The following MRE11 variants were observed in gnomAD, a reference collection of about 807,000 sequenced individuals.
MRE11 encodes the protein double-strand break repair protein MRE11.
A neutral mutation model predicts 91.7 loss-of-function variants in MRE11; 62 were observed. The ratio of observed to expected loss-of-function variants is 0.68; its 90% confidence interval spans 0.55 to 0.84. The LOEUF is 0.84. MRE11 is among the 40% of genes least tolerant of loss of function. The probability of loss-of-function intolerance (pLI) is 0.00; values close to 1 mark genes in which losing one functional copy is unlikely to be tolerated. For missense variants in MRE11, 796 were observed against 852.9 expected, an observed-to-expected ratio of 0.93 and a Z score of 0.83; for synonymous variants, 273 against 271.4, an observed-to-expected ratio of 1.01 and a Z score of -0.06.
At chr11:94,451,531 G>C (rs1946106489) in intron 14 of MRE11, among the ~76,000 whole-genome samples, 1 of 152,006 alleles carries the variant, frequency 6.6e-6, no homozygotes, top group Admixed American at 6.6e-5. Context: ...TGCACAAAAA[G>C]AAAATTACAG....
chr11:94,479,027 A>T (rs1355132003), intron 5 of MRE11, 151 bp from the exon 6 acceptor site: 1 of 843,156 alleles, frequency 1.2e-6, no homozygotes, highest in African/African-American at 1.7e-5. Context: ...TACAATAGTA[A>T]AAGTATTTGC....
chr11:94,476,355 A>C lies in MRE11; in HGVS notation c.593T>G (p.Val198Gly). The change falls in exon 7 of 20, where the codon GTA becomes GGA. Residue 198 changes from valine (V) to glycine (G), a missense_variant. Val to Gly is a moderately radical substitution (Grantham distance 109). Coordinates refer to ENST00000323929, the MANE Select transcript of MRE11 (RefSeq NM_005591.4). The part of the protein sequence containing the change: ...RLYRMFVNKK[V>G]TMLRPKEDEN... ...ATCTTCCTTTGGTCTCAACATTGTTACTTTTTTATTGACAAACATTCGATA... is the reference window on the plus strand; with the variant it reads ...ATCTTCCTTTGGTCTCAACATTGTTCCTTTTTTATTGACAAACATTCGATA... 1 of 1,613,368 alleles carries C rather than the reference A, an allele frequency of 6.2e-7. No homozygotes were observed.
Position 94,420,022 on chromosome 11 carries a change from T to C in MRE11, c.*103A>G. 1.1e-6 allele frequency: 1 copy of C among 926,556 alleles called. No homozygotes were observed. The allele number at this position is 926,556 out of a possible 1,614,324, so 57.4% of individuals were successfully genotyped here. On this transcript the variant is annotated 3_prime_UTR_variant, in exon 20 of 20. Coordinates refer to ENST00000323929, the MANE Select transcript of MRE11 (RefSeq NM_005591.4). ...ACTAGAAATTTCTTACTTATGGAGTTATGCTCAGGAAACAATACTTAAAAT... is the reference window on the plus strand; with the variant it reads ...ACTAGAAATTTCTTACTTATGGAGTCATGCTCAGGAAACAATACTTAAAAT...
upstream of MRE11, chr11:94,497,007 G>T (rs1409970479): frequency 4.4e-6 from 7 of 1,604,954 alleles, 1 homozygote; most frequent in Middle Eastern, 9.9e-4. Flanking sequence ...CTGGGTTCAA[G>T]CCAGAAGACC....
chr11:94,497,046 A>G (rs746395323), upstream of MRE11: 2 of 1,520,606 alleles, frequency 1.3e-6, no homozygotes, highest in South Asian at 2.3e-5. Context: ...CATCATACCT[A>G]TCTCTTGATT....
intron 16 of MRE11, among the ~76,000 whole-genome samples, chr11:94,438,653 G>A (rs141972652): frequency 3.2e-3 from 482 of 152,296 alleles, no homozygotes; most frequent in Middle Eastern, 6.8e-3. Context: ...GAGTGATGTT[G>A]TGAAATAATT....
At position 94,420,152 on chromosome 11, in the gene MRE11, A is replaced by C; in HGVS notation, c.2100T>G (p.Thr700=). 1 of 1,580,994 alleles carries C rather than the reference A, an allele frequency of 6.3e-7. No individual in the cohort carries two copies. The highest frequency in any genetic ancestry group is 8.7e-7 in the Non-Finnish European group (1 of 1,155,618). ...ATCTTCTATTTCTTCTTAAAGAACT[A>C]GTGTTCATAAAAGGATCATCATCAT... ...EDDDDDPFMN[T]SSLRRNRR is the part of the protein sequence containing the mutation. Residue 700 remains threonine (T), a synonymous_variant, in exon 20 of 20, where the codon ACT becomes ACG. Coordinates refer to ENST00000323929, the MANE Select transcript of MRE11 (RefSeq NM_005591.4).
intron 19 of MRE11, among the ~76,000 whole-genome samples, chr11:94,423,574 C>T (rs939370183): frequency 1.6e-4 from 25 of 152,230 alleles, no homozygotes; most frequent in African/African-American, 5.8e-4. Context: ...GACAGAGGAA[C>T]ATCTGTTCTG....
At position 94,492,821 on chromosome 11, in the gene MRE11, C is replaced by T. The variant is rs2135149567; in HGVS notation, c.-20G>A. The T allele has an allele frequency of 6.2e-7, 1 of 1,612,746 alleles. No homozygotes were observed. The highest frequency in any genetic ancestry group is 8.5e-7 in the Non-Finnish European group (1 of 1,179,400). On this transcript the variant is annotated 5_prime_UTR_variant, in exon 2 of 20. Transcript: ENST00000323929. ...ACTCATTTTTATGGTCAGTCAAGCT[C>T]CTCTGGGACCAGGTTCTTCTCCAAG...
chr11:94,477,437 G>C (rs1424897232), intron 6 of MRE11, among the ~76,000 whole-genome samples: 2 of 152,232 alleles, frequency 1.3e-5, no homozygotes, highest in East Asian at 3.9e-4. Context: ...AGGAGAAAAA[G>C]CCAGGATGCT....
chr11:94,443,996 C>A (rs1428811941), intron 16 of MRE11, among the ~76,000 whole-genome samples: 1 of 150,308 alleles, frequency 6.7e-6, no homozygotes, highest in Non-Finnish European at 1.5e-5. Context: ...CAACCTCCAC[C>A]TTCTCGGTTC....
At chr11:94,489,432 G>T (rs887663526) in intron 3 of MRE11, among the ~76,000 whole-genome samples, 1 of 152,126 alleles carries the variant, frequency 6.6e-6, no homozygotes, top group African/African-American at 2.4e-5. Flanking sequence ...TCAATGGAAG[G>T]ACACTTGGAA....
At chr11:94,489,477 T>C (rs753385728) in intron 3 of MRE11, among the ~76,000 whole-genome samples, 3 of 152,148 alleles carry the variant, frequency 2.0e-5, no homozygotes, top group Non-Finnish European at 4.4e-5. Context: ...ATCTGATTTA[T>C]TATTTTAAAA....
rs1423964216 is a variant in MRE11 at position 94,418,770 on chromosome 11, C to G, written c.*1355G>C. ...GTTAATGTTACTTGCTCAAATAACC[C>G]TTATGCTCAAGTTAGGTACAGAAAA... is the stretch of plus-strand genomic sequence containing the variant. On this transcript the variant is annotated 3_prime_UTR_variant, in exon 20 of 20. Transcript: ENST00000323929. 4.3e-6 allele frequency: 1 copy of G among 232,210 alleles called. No individual in the cohort carries two copies. Among genetic ancestry groups the G allele is most frequent in the African/African-American group, 2.2e-5 (1 of 45,408 alleles). 14.4% of individuals were successfully genotyped at this position (232,210 alleles called of 1,614,324 possible). A position where few individuals can be genotyped will look rare whatever the true frequency, so the allele number is the denominator to read the frequency against.
chr11:94,454,811 A>G (rs1946205564), intron 14 of MRE11, among the ~76,000 whole-genome samples: 1 of 152,166 alleles, frequency 6.6e-6, no homozygotes, highest in African/African-American at 2.4e-5. Context: ...GTAAAGAAAT[A>G]TTTCTGTACC....
chr11:94,503,931 GAAAT>G, the MRE11 span, among the ~76,000 whole-genome samples: 1 of 151,200 alleles, frequency 6.6e-6, no homozygotes, highest in African/African-American at 2.4e-5. Flanking sequence ...ACAGAGTCTA[GAAAT>G]AAATCCAGAT....
At chr11:94,445,030 C>T (rs1002304301) in intron 16 of MRE11, among the ~76,000 whole-genome samples, 5 of 151,862 alleles carry the variant, frequency 3.3e-5, no homozygotes, top group African/African-American at 1.2e-4. Context: ...TAAACAGATC[C>T]CCTTGAGGCC....
At chr11:94,498,697 T>G, upstream of MRE11, 1 of 636,902 alleles carries the variant, frequency 1.6e-6, no homozygotes, top group Non-Finnish European at 2.7e-6. Context: ...AAAATGTATT[T>G]GAAAGTAATT....
At chr11:94,489,944 C>A (rs1055597022) in intron 3 of MRE11, among the ~76,000 whole-genome samples, 3 of 152,124 alleles carry the variant, frequency 2.0e-5, no homozygotes, top group Non-Finnish European at 4.4e-5. Context: ...GAGTCACTGT[C>A]ATCCCTTTGC....
Sources: gnomAD v4.1 joint callset for allele counts (sites outside exome capture counted in the v4.1 genomes callset) on GRCh38, gnomAD v4.1.1 for gene constraint, MANE v1.5 for transcripts, NCBI Gene and HGNC (gene_info 2026-07-23, HGNC 2026-07-21) for gene names.